The following TANC2 variants were observed in gnomAD, a reference collection of about 807,000 sequenced individuals.
TANC2 encodes the protein tetratricopeptide repeat, ankyrin repeat and coiled-coil containing 2.
TANC2 carries 26 observed loss-of-function variants against 210.5 expected under a neutral mutation model. That is an observed-to-expected ratio of 0.12 (90% CI 0.09 to 0.17). The LOEUF (loss-of-function observed/expected upper bound fraction) is 0.17. Among genes scored for constraint, TANC2 ranks in the 10% least tolerant of loss-of-function variants. The probability of loss-of-function intolerance (pLI) is 1.00; values close to 1 mark genes in which losing one functional copy is unlikely to be tolerated. For missense variants in TANC2, 2,129 were observed against 2,608.9 expected (o/e 0.82, Z 4.01); for synonymous variants, 931 against 967.1 (o/e 0.96, Z 0.69).
At chr17:63,282,226 A>C (rs960263874) in intron 9 of TANC2, among the ~76,000 whole-genome samples, 78 of 152,112 alleles carry the variant, frequency 5.1e-4, no homozygotes, top group African/African-American at 1.9e-3. Flanking sequence ...AAAATTTATG[A>C]ATCTTAATAT....
At chr17:63,260,022 A>G (rs1172781692) in intron 8 of TANC2, among the ~76,000 whole-genome samples, 1 of 152,260 alleles carries the variant, frequency 6.6e-6, no homozygotes, top group Non-Finnish European at 1.5e-5. Context: ...TAGCAAGGTC[A>G]CTATTACTAC....
intron 5 of TANC2, among the ~76,000 whole-genome samples, chr17:63,174,129 G>A (rs965687763): frequency 3.3e-5 from 5 of 152,178 alleles, no homozygotes; most frequent in Non-Finnish European, 7.3e-5. Flanking sequence ...CATGACTTTG[G>A]CATCTATTAA....
intron 5 of TANC2, among the ~76,000 whole-genome samples, chr17:63,176,047 C>G (rs2040568421): frequency 6.6e-6 from 1 of 152,216 alleles, no homozygotes; most frequent in Admixed American, 6.5e-5. Context: ...AAGGCTCTCA[C>G]TGCCAAGTGT....
chr17:63,009,323 A>C (rs567255306), intron 1 of TANC2, among the ~76,000 whole-genome samples: 1 of 152,182 alleles, frequency 6.6e-6, no homozygotes, highest in East Asian at 1.9e-4. Flanking sequence ...TTTATGGGGT[A>C]CATGAGATGT....
At chr17:63,058,586 A>G (rs2035887622) in intron 2 of TANC2, among the ~76,000 whole-genome samples, 1 of 152,078 alleles carries the variant, frequency 6.6e-6, no homozygotes, top group Admixed American at 6.6e-5. Flanking sequence ...TCAATCTTGA[A>G]TTGATTTTTG....
At chr17:63,160,645 C>T (rs2039995089) in intron 5 of TANC2, among the ~76,000 whole-genome samples, 1 of 152,014 alleles carries the variant, frequency 6.6e-6, no homozygotes, top group South Asian at 2.1e-4. Context: ...TCATATCTAC[C>T]GTTATTTCCT....
At chr17:63,336,051 G>A (rs1266871629) in intron 11 of TANC2, among the ~76,000 whole-genome samples, 1 of 152,172 alleles carries the variant, frequency 6.6e-6, no homozygotes, top group Non-Finnish European at 1.5e-5. Flanking sequence ...TCTAGTCCCA[G>A]CATGAGGATT....
chr17:63,042,122 G>A (rs182875172), intron 2 of TANC2, among the ~76,000 whole-genome samples: 2 of 152,118 alleles, frequency 1.3e-5, no homozygotes, highest in Non-Finnish European at 2.9e-5. Flanking sequence ...CCTTCTGTGC[G>A]TTTACAGAAA....
intron 5 of TANC2, among the ~76,000 whole-genome samples, chr17:63,169,353 G>A (rs1006669610): frequency 5.9e-5 from 9 of 152,128 alleles, no homozygotes; most frequent in African/African-American, 2.2e-4. Context: ...AATAAATGAA[G>A]CTAGGATGAT....
In TANC2 at chr17:63,106,522, G is replaced by A. The variant is rs187309942; in HGVS notation, c.322+7165G>A. Among the ~76,000 whole-genome samples, 272 of 151,692 alleles carry A rather than the reference G, an allele frequency of 1.8e-3. 11 individuals are homozygous for A. The highest frequency in any genetic ancestry group is 6.3e-3 in the African/African-American group (260 of 40,978). Reference sequence around the variant, plus strand: ...CATGTTGACCAGATTATCAAGGGTAGGGGGATTCTCACTAAACTGAGTTAG... The same window carrying A: ...CATGTTGACCAGATTATCAAGGGTAAGGGGATTCTCACTAAACTGAGTTAG... On this transcript the variant is annotated intron_variant, in intron 4 of 27. Transcript: ENST00000689528.
chr17:62,983,603 T>C (rs1211862967), intron 1 of TANC2, among the ~76,000 whole-genome samples: 1 of 152,174 alleles, frequency 6.6e-6, no homozygotes, highest in Non-Finnish European at 1.5e-5. Flanking sequence ...GCTGTGAGTT[T>C]GTCATATATG....
At chr17:62,968,833 A>G (rs192149216) in intron 1 of TANC2, among the ~76,000 whole-genome samples, 1 of 152,164 alleles carries the variant, frequency 6.6e-6, no homozygotes, top group African/African-American at 2.4e-5. Flanking sequence ...TCTATTTTAA[A>G]TATAGGTAGC....
At chr17:63,009,609 G>A (rs767416460) in exon 2 of TANC2, 2 of 1,612,802 alleles carry the variant, frequency 1.2e-6, no homozygotes, top group Non-Finnish European at 8.5e-7. Context: ...AAATCAAGTC[G>A]TAAAAACAGG....
intron 3 of TANC2, among the ~76,000 whole-genome samples, chr17:63,087,238 A>G (rs760296954): frequency 6.6e-6 from 1 of 152,004 alleles, no homozygotes; most frequent in Non-Finnish European, 1.5e-5. Flanking sequence ...GTGTCTTGCA[A>G]TTTTTTGCTG....
chr17:63,128,701 C>G (rs1401869777), intron 4 of TANC2, among the ~76,000 whole-genome samples: 1 of 152,082 alleles, frequency 6.6e-6, no homozygotes, highest in Non-Finnish European at 1.5e-5. Context: ...GATAAGAGGA[C>G]TTCTGTATAT....
At chr17:63,250,575 C>T (rs2043030818) in intron 8 of TANC2, among the ~76,000 whole-genome samples, 1 of 152,058 alleles carries the variant, frequency 6.6e-6, no homozygotes, top group South Asian at 2.1e-4. Flanking sequence ...TTCAAAATAA[C>T]CCAGTAAGAC....
chr17:62,971,108 G>A (rs1028962776), intron 1 of TANC2, among the ~76,000 whole-genome samples: 4 of 151,988 alleles, frequency 2.6e-5, no homozygotes, highest in Non-Finnish European at 4.4e-5. Flanking sequence ...TGAGAATACC[G>A]CTTGGTTTCT....
rs371703151 is a variant in TANC2, at chr17:63,405,284, C to T, written c.3465+29C>T. Reference sequence around the variant, plus strand: ...AGCAGGGCGACCACTTCCAGTCCCTCAGGCAGGACTGAGTTCTAGGTGAGG... The same window carrying T: ...AGCAGGGCGACCACTTCCAGTCCCTTAGGCAGGACTGAGTTCTAGGTGAGG... On this transcript the variant is annotated intron_variant, in intron 20 of 27. Coordinates refer to ENST00000689528, the Ensembl canonical transcript of TANC2. The T allele has an allele frequency of 2.0e-5, 31 of 1,527,042 alleles. No individual in the cohort carries two copies. In the African/African-American group the frequency reaches 3.7e-4, roughly 18 times the overall value. The allele number at this position is 1,527,042 out of a possible 1,614,324, so 94.6% of individuals were successfully genotyped here.
rs181836249 is a variant in TANC2, at chr17:63,000,902, T to A, written c.-23-8635T>A. ...AAATCATTTAATCAAAATGTAACTA[T>A]GAGATGAGTAGCTTTATGTTTTACT... is the stretch of plus-strand genomic sequence containing the variant. On this transcript the variant is annotated intron_variant, in intron 1 of 27. Coordinates refer to ENST00000689528, the Ensembl canonical transcript of TANC2. Among the ~76,000 whole-genome samples, 6 of 151,312 alleles carry A rather than the reference T, an allele frequency of 4.0e-5. No individual in the cohort carries two copies. The East Asian group carries it at 5.8e-4, about 15-fold the overall frequency.
Sources: allele counts gnomAD v4.1 joint callset (sites outside exome capture counted in the v4.1 genomes callset), GRCh38; gene constraint gnomAD v4.1.1; transcripts MANE v1.5; gene names NCBI Gene and HGNC (gene_info 2026-07-23, HGNC 2026-07-21).